LUZP2: variants seen among roughly 807,000 people sequenced by gnomAD.
LUZP2 encodes the protein leucine zipper protein 2.
Under a neutral mutation model 51.6 loss-of-function variants are expected in LUZP2, and 52 were observed. The observed-to-expected ratio is 1.01, with a 90% confidence interval of 0.81 to 1.27. LUZP2 has a LOEUF of 1.27. LUZP2 is among the 50% of genes most tolerant of loss of function. The pLI is 0.00. For missense variants in LUZP2, 436 were observed against 395.4 expected (o/e 1.10, Z -0.87); for synonymous variants, 154 against 137.3 (o/e 1.12, Z -0.85).
intron 9 of LUZP2, among the ~76,000 whole-genome samples, chr11:25,044,519 G>T (rs561829554): frequency 1.0e-3 from 155 of 151,928 alleles, no homozygotes; most frequent in Non-Finnish European, 1.9e-3. Flanking sequence ...AATATTATGT[G>T]TTTGTATTTA....
At chr11:24,682,743 TGCCTGTAATCCCAGCACGTTGGGAG>T (rs1446543593) in intron 1 of LUZP2, among the ~76,000 whole-genome samples, 4 of 151,758 alleles carry the variant, frequency 2.6e-5, no homozygotes, top group African/African-American at 9.7e-5. Context: ...CAGTGACTCA[TGCCTGTAATCCCAGCACGTTGGGAG>T]GCCAAGGCAG....
At chr11:24,995,050 A>G (rs1328332022) in intron 9 of LUZP2, among the ~76,000 whole-genome samples, 1 of 152,220 alleles carries the variant, frequency 6.6e-6, no homozygotes, top group African/African-American at 2.4e-5. Context: ...TCAATTGTAT[A>G]ACTGTTATAA....
intron 9 of LUZP2, among the ~76,000 whole-genome samples, chr11:25,044,569 GA>G (rs1260228152): frequency 6.6e-6 from 1 of 151,958 alleles, no homozygotes; most frequent in East Asian, 1.9e-4. Flanking sequence ...CACTCATGAA[GA>G]AATGCATATT....
chr11:24,957,715 T>C (rs1735842771), intron 7 of LUZP2, among the ~76,000 whole-genome samples: 1 of 152,202 alleles, frequency 6.6e-6, no homozygotes, highest in African/African-American at 2.4e-5. Context: ...CTTGTTTATA[T>C]ATAACACATT....
chr11:24,849,469 G>C (rs1460505512), intron 5 of LUZP2, among the ~76,000 whole-genome samples: 1 of 151,982 alleles, frequency 6.6e-6, no homozygotes, highest in African/African-American at 2.4e-5. Flanking sequence ...CTCATTGTTT[G>C]TATGGCTGCA....
intron 1 of LUZP2, among the ~76,000 whole-genome samples, chr11:24,715,972 A>G (rs772411890): frequency 6.6e-6 from 1 of 152,152 alleles, no homozygotes; most frequent in Non-Finnish European, 1.5e-5. Context: ...AAAATTACTT[A>G]AATTATGAAC....
At chr11:24,841,408 G>T (rs1290184869) in intron 5 of LUZP2, among the ~76,000 whole-genome samples, 2 of 151,968 alleles carry the variant, frequency 1.3e-5, no homozygotes, top group Non-Finnish European at 2.9e-5. Flanking sequence ...CCTGGTCTAT[G>T]GTATTTTTGT....
chr11:24,697,686 A>G (rs1857289949), intron 1 of LUZP2, among the ~76,000 whole-genome samples: 1 of 152,198 alleles, frequency 6.6e-6, no homozygotes, highest in Admixed American at 6.6e-5. Flanking sequence ...ATCTGAGAGG[A>G]GTCTGAATTC....
chr11:24,586,549 G>C (rs1853073801), intron 1 of LUZP2, among the ~76,000 whole-genome samples: 1 of 151,920 alleles, frequency 6.6e-6, no homozygotes, highest in African/African-American at 2.4e-5. Context: ...AAATTTCAAA[G>C]AAGTAATGAC....
chr11:24,897,456 C>T (rs184448622), intron 5 of LUZP2, among the ~76,000 whole-genome samples: 1 of 152,120 alleles, frequency 6.6e-6, no homozygotes, highest in African/African-American at 2.4e-5. Context: ...CCAGCGAAAC[C>T]ATGAACCCAC....
intron 10 of LUZP2, among the ~76,000 whole-genome samples, chr11:25,056,866 C>T (rs1858699458): frequency 6.6e-6 from 1 of 152,078 alleles, no homozygotes; most frequent in South Asian, 2.1e-4. Context: ...TTTGGGAGCC[C>T]AAGGTGGGCA....
intron 9 of LUZP2, among the ~76,000 whole-genome samples, chr11:25,011,297 A>G (rs1045701960): frequency 2.6e-5 from 4 of 152,206 alleles, no homozygotes; most frequent in Non-Finnish European, 5.9e-5. Flanking sequence ...CCTTATATCC[A>G]TAAACTTATT....
intron 2 of LUZP2, among the ~76,000 whole-genome samples, chr11:24,731,204 G>T (rs1022959813): frequency 1.3e-5 from 2 of 151,636 alleles, no homozygotes; most frequent in African/African-American, 4.8e-5. Context: ...ATTAAAAAAT[G>T]TATGAAGGCA....
rs1858012155 is a variant in LUZP2 at position 25,040,343 on chromosome 11, A to ATTTTTGTTTTTTTTTTTTTT, written c.766-9690_766-9689insGTTTTTTTTTTTTTTTTTTT. Among the ~76,000 whole-genome samples the ATTTTTGTTTTTTTTTTTTTT allele has an allele frequency of 3.0e-5, 3 of 98,828 alleles. 1 individual carries two copies. The highest frequency in any genetic ancestry group is 1.2e-4 in the African/African-American group (2 of 17,186). 64.8% of individuals were successfully genotyped at this position (98,828 alleles called of 152,430 possible). On this transcript the variant is annotated intron_variant, in intron 9 of 11. Coordinates refer to ENST00000336930, the MANE Select transcript of LUZP2 (RefSeq NM_001009909.4). ...AGAGAGCCACTTTTCTTTCTTTCCGATTTTTTTTTTTTTTTTTTTTGCCAA... is the reference window on the plus strand; with the variant it reads ...AGAGAGCCACTTTTCTTTCTTTCCGATTTTTGTTTTTTTTTTTTTTTTTTTTTTTTTTTTTTTTTTGCCAA...
chr11:24,841,424 C>A (rs977990883), intron 5 of LUZP2, among the ~76,000 whole-genome samples: 1 of 151,870 alleles, frequency 6.6e-6, no homozygotes, highest in Non-Finnish European at 1.5e-5. Context: ...TTTGTTACAC[C>A]AGCCCAAACT....
intron 1 of LUZP2, among the ~76,000 whole-genome samples, chr11:24,685,729 A>T (rs1856877623): frequency 6.6e-6 from 1 of 152,224 alleles, no homozygotes; most frequent in Non-Finnish European, 1.5e-5. Flanking sequence ...GAAATATCAT[A>T]AACTAAGAAA....
intron 1 of LUZP2, among the ~76,000 whole-genome samples, chr11:24,704,490 T>A (rs1312147835): frequency 6.6e-6 from 1 of 151,500 alleles, no homozygotes; most frequent in Non-Finnish European, 1.5e-5. Flanking sequence ...CTTTGACATA[T>A]TTTTGTGTGT....
chr11:24,583,558 A>G (rs1421575474), intron 1 of LUZP2, among the ~76,000 whole-genome samples: 1 of 152,114 alleles, frequency 6.6e-6, no homozygotes, highest in Admixed American at 6.6e-5. Flanking sequence ...CATGCCCAAC[A>G]CACCTAAACC....
At chr11:24,574,243 T>TC (rs1460760869) in intron 1 of LUZP2, among the ~76,000 whole-genome samples, 2 of 2,010 alleles carry the variant, frequency 1.0e-3, no homozygotes, top group Non-Finnish European at 1.9e-3. Context: ...TTTCTTTCTT[T>TC]CTTTCTTTCT....
Sources: gnomAD v4.1 joint callset for allele counts (sites outside exome capture counted in the v4.1 genomes callset) on GRCh38, gnomAD v4.1.1 for gene constraint, MANE v1.5 for transcripts, NCBI Gene and HGNC (gene_info 2026-07-23, HGNC 2026-07-21) for gene names.